The following KIF26B variants were observed in gnomAD, a reference collection of about 807,000 sequenced individuals.
KIF26B encodes the protein kinesin-like protein KIF26B.
A neutral mutation model predicts 151.2 loss-of-function variants in KIF26B; 63 were observed. That is an observed-to-expected ratio of 0.42 (90% CI 0.34 to 0.51). The LOEUF (loss-of-function observed/expected upper bound fraction) is 0.51. Among genes scored for constraint, KIF26B ranks in the 20% least tolerant of loss-of-function variants. The pLI is 0.07. For missense variants in KIF26B, 2,813 were observed against 2,913.6 expected (o/e 0.97, Z 0.79); for synonymous variants, 1,357 against 1,262.1 (o/e 1.08, Z -1.59).
At chr1:245,209,160 G>A (rs986378069) in intron 2 of KIF26B, among the ~76,000 whole-genome samples, 2 of 152,200 alleles carry the variant, frequency 1.3e-5, no homozygotes, top group Admixed American at 6.5e-5. Flanking sequence ...AGCACTTTTG[G>A]AGGCTGAGAC....
Position 245,419,502 on chromosome 1 carries a change from A to G in KIF26B, c.1000-77A>G, listed in dbSNP as rs1407028757. 7 of 1,413,178 alleles carry G rather than the reference A, an allele frequency of 5.0e-6. No homozygotes were observed. In the East Asian group the frequency reaches 9.7e-5, roughly 20 times the overall value. The allele number at this position is 1,413,178 out of a possible 1,614,324, so 87.5% of individuals were successfully genotyped here. ...TGTTCCCTCTTGCCTCCCTCCCCCA[A>G]ATAGAGAGATGCTGTCAGTGGTCAG... On this transcript the variant is annotated intron_variant, in intron 3 of 14. Transcript: ENST00000407071.
intron 11 of KIF26B, 54 bp from the exon 12 acceptor site, chr1:245,685,351 C>T (rs993732138): frequency 5.6e-6 from 8 of 1,434,770 alleles, no homozygotes; most frequent in Non-Finnish European, 6.7e-6. Flanking sequence ...CAGCTGGGCT[C>T]CCGGGGAAAC....
chr1:245,401,504 G>C (rs1156760567), intron 3 of KIF26B, among the ~76,000 whole-genome samples: 1 of 152,178 alleles, frequency 6.6e-6, no homozygotes, highest in African/African-American at 2.4e-5. Flanking sequence ...TTATGATAAT[G>C]GCAAACAAAG....
intron 4 of KIF26B, among the ~76,000 whole-genome samples, chr1:245,459,706 G>A (rs1659607921): frequency 6.6e-6 from 1 of 152,120 alleles, no homozygotes; most frequent in African/African-American, 2.4e-5. Flanking sequence ...CCTGAACTGG[G>A]AGAACTAAGT....
chr1:245,182,007 T>C (rs917147941), intron 2 of KIF26B, among the ~76,000 whole-genome samples: 1 of 152,212 alleles, frequency 6.6e-6, no homozygotes, highest in Non-Finnish European at 1.5e-5. Flanking sequence ...TCACCTGTTT[T>C]AAACGTGTGC....
chr1:245,240,204 T>C (rs1670189730), intron 2 of KIF26B, among the ~76,000 whole-genome samples: 1 of 152,142 alleles, frequency 6.6e-6, no homozygotes, highest in Non-Finnish European at 1.5e-5. Context: ...CACGTGGTCT[T>C]TCTGCATCCC....
At chr1:245,480,793 A>G (rs1035507368) in intron 4 of KIF26B, among the ~76,000 whole-genome samples, 1 of 149,868 alleles carries the variant, frequency 6.7e-6, no homozygotes, top group Admixed American at 6.6e-5. Flanking sequence ...AAAAAAAAAA[A>G]AAAGAGAGAG....
chr1:245,566,942 T>C (rs549797744), intron 5 of KIF26B, among the ~76,000 whole-genome samples: 3 of 103,034 alleles, frequency 2.9e-5, no homozygotes, highest in Non-Finnish European at 5.7e-5. Context: ...AATTAATAAA[T>C]ACATGAATAA....
chr1:245,635,835 A>G (rs944665062), intron 9 of KIF26B, among the ~76,000 whole-genome samples: 4 of 147,434 alleles, frequency 2.7e-5, no homozygotes, highest in Non-Finnish European at 6.2e-5. Context: ...TTTCATTTCT[A>G]TTCACTTAAA....
chr1:245,208,190 A>G (rs12129648), intron 2 of KIF26B, among the ~76,000 whole-genome samples: 78,760 of 152,108 alleles, frequency 0.52, 25,212 homozygotes, highest in Non-Finnish European at 0.7. Context: ...GTGGGACTCT[A>G]CTTGGCTGGG....
chr1:245,397,091 C>T (rs1051157165), intron 3 of KIF26B, among the ~76,000 whole-genome samples: 3 of 152,008 alleles, frequency 2.0e-5, no homozygotes, highest in Admixed American at 2.0e-4. Flanking sequence ...TCCCGAGTAG[C>T]TGGGACTATA....
At chr1:245,387,158 T>C (rs1009273852) in intron 3 of KIF26B, among the ~76,000 whole-genome samples, 5 of 92,700 alleles carry the variant, frequency 5.4e-5, no homozygotes, top group African/African-American at 2.5e-4. Flanking sequence ...TTTTTTGTTT[T>C]TTGTTTTTTG....
chr1:245,691,876 G>GC (rs936944348), intron 12 of KIF26B, among the ~76,000 whole-genome samples: 1 of 152,180 alleles, frequency 6.6e-6, no homozygotes, highest in African/African-American at 2.4e-5. Flanking sequence ...TGAGGAGTGT[G>GC]CAGCATTGGG....
Position 245,474,204 on chromosome 1 carries a change from G to C in KIF26B, c.1166+54459G>C, listed in dbSNP as rs539872997. Among the ~76,000 whole-genome samples, 4 of 126,892 alleles carry C rather than the reference G, an allele frequency of 3.2e-5. No homozygotes were observed. In the East Asian group the frequency reaches 8.8e-4, roughly 28 times the overall value. 83.2% of individuals were successfully genotyped at this position (126,892 alleles called of 152,430 possible). ...GCTCACTGCAACCTCTGCCTCCCGG[G>C]TTCAAGTCATTCTCCTGCCTCAGCC... is the stretch of plus-strand genomic sequence containing the variant. On this transcript the variant is annotated intron_variant, in intron 4 of 14. Coordinates refer to ENST00000407071, the MANE Select transcript of KIF26B (RefSeq NM_018012.4).
intron 2 of KIF26B, among the ~76,000 whole-genome samples, chr1:245,306,418 A>G (rs1671540437): frequency 6.6e-6 from 1 of 152,228 alleles, no homozygotes; most frequent in Non-Finnish European, 1.5e-5. Context: ...TTATTTTAGG[A>G]GATAATGAAA....
intron 3 of KIF26B, among the ~76,000 whole-genome samples, chr1:245,390,943 A>AAAAAAAAAAAAAAAAAAAACAAAAC (rs1553270131): frequency 8.4e-6 from 1 of 118,412 alleles, no homozygotes; most frequent in Non-Finnish European, 1.6e-5. Context: ...AAAAAAAAAA[A>AAAAAAAAAAAAAAAAAAAACAAAAC]AAAAAAAAAC....
chr1:245,184,050 G>GTTTGTTTTTTTTTTTTTTTTTTTTTTTT (rs1668954964), intron 2 of KIF26B, among the ~76,000 whole-genome samples: 3 of 19,804 alleles, frequency 1.5e-4, no homozygotes, highest in African/African-American at 4.5e-4. Context: ...GGGAGTTGTT[G>GTTTGTTTTTTTTTTTTTTTTTTTTTTTT]TTTTTTTTTT....
chr1:245,229,491 C>T (rs538423445), intron 2 of KIF26B, among the ~76,000 whole-genome samples: 2 of 152,296 alleles, frequency 1.3e-5, no homozygotes, highest in East Asian at 3.9e-4. Flanking sequence ...GACACATTCG[C>T]AGGTAAGAGC....
At chr1:245,626,446 T>A (rs528546223) in intron 9 of KIF26B, among the ~76,000 whole-genome samples, 1 of 151,480 alleles carries the variant, frequency 6.6e-6, no homozygotes, top group South Asian at 2.1e-4. Flanking sequence ...CTGACTGGGG[T>A]GAAATTATAT....
Sources: allele counts gnomAD v4.1 joint callset (sites outside exome capture counted in the v4.1 genomes callset), GRCh38; gene constraint gnomAD v4.1.1; transcripts MANE v1.5; gene names NCBI Gene and HGNC (gene_info 2026-07-23, HGNC 2026-07-21).